Variants in MTA3 observed in about 807,000 individuals in gnomAD.
The protein encoded by MTA3 is metastasis-associated protein MTA3.
Under a neutral mutation model 83.5 loss-of-function variants are expected in MTA3, and 34 were observed. The observed-to-expected ratio is 0.41, with a 90% CI of 0.31 to 0.54. The LOEUF (loss-of-function observed/expected upper bound fraction) is 0.54. Ranked by LOEUF, MTA3 falls within the 20% of genes least tolerant of loss-of-function variation. The pLI, the probability that MTA3 is intolerant of heterozygous loss-of-function variation, is 0.33. For missense variants in MTA3, 761 were observed against 726.4 expected (o/e 1.05, Z -0.55); for synonymous variants, 303 against 252.7 (o/e 1.20, Z -1.89).
chr2:42,681,972 T>C (rs1691969513), intron 8 of MTA3, among the ~76,000 whole-genome samples: 1 of 151,642 alleles, frequency 6.6e-6, no homozygotes. Flanking sequence ...TTTGGGAGGC[T>C]ATAGTGGGAG....
At chr2:42,599,582 T>TC (rs1682293970) in intron 3 of MTA3, among the ~76,000 whole-genome samples, 1 of 151,690 alleles carries the variant, frequency 6.6e-6, no homozygotes, top group Non-Finnish European at 1.5e-5. Context: ...AGTGTGAGAC[T>TC]CCATCTCCAA....
chr2:42,597,262 A>T (rs1026225595), intron 3 of MTA3, among the ~76,000 whole-genome samples: 4 of 151,420 alleles, frequency 2.6e-5, no homozygotes, highest in Non-Finnish European at 4.4e-5. Context: ...ATGGGGTCTC[A>T]CCGTGTTGCC....
chr2:42,561,895 T>C (rs1677692497), intron 2 of MTA3, among the ~76,000 whole-genome samples: 1 of 152,188 alleles, frequency 6.6e-6, no homozygotes, highest in Non-Finnish European at 1.5e-5. Context: ...CTGTAGGAGT[T>C]TCCTAAGGCT....
chr2:42,645,175 CAAAAAAAAAA>C (rs1224226672), intron 6 of MTA3, among the ~76,000 whole-genome samples: 1 of 39,866 alleles, frequency 2.5e-5, no homozygotes, highest in Non-Finnish European at 5.4e-5. Flanking sequence ...GACTCTGTCT[CAAAAAAAAAA>C]AAAAAAAAAA....
intron 6 of MTA3, among the ~76,000 whole-genome samples, chr2:42,651,724 G>T (rs879324365): frequency 4.6e-5 from 7 of 151,754 alleles, no homozygotes; most frequent in African/African-American, 1.2e-4. Flanking sequence ...CATAAGCCCA[G>T]GAGATTGAAG....
chr2:42,551,691 A>T (rs897169938), intron 2 of MTA3, among the ~76,000 whole-genome samples: 2 of 152,084 alleles, frequency 1.3e-5, no homozygotes, highest in Non-Finnish European at 2.9e-5. Context: ...AGTTGAGCAG[A>T]TATTACAATG....
chr2:42,547,323 G>A (rs1676801776), intron 2 of MTA3, among the ~76,000 whole-genome samples: 1 of 152,170 alleles, frequency 6.6e-6, no homozygotes, highest in South Asian at 2.1e-4. Flanking sequence ...TTACAGCTCT[G>A]CGTTTGCCTT....
intron 4 of MTA3, among the ~76,000 whole-genome samples, chr2:42,610,114 A>G (rs562804815): frequency 1.3e-5 from 2 of 152,316 alleles, no homozygotes; most frequent in South Asian, 4.1e-4. Flanking sequence ...AACAAACGAA[A>G]AAAAACAATA....
At chr2:42,583,064 T>C (rs1015615449) in intron 3 of MTA3, among the ~76,000 whole-genome samples, 2 of 152,110 alleles carry the variant, frequency 1.3e-5, no homozygotes, top group Non-Finnish European at 2.9e-5. Context: ...TATAGATATA[T>C]TTTACCACCA....
At chr2:42,645,384 G>A (rs1688084613) in intron 6 of MTA3, among the ~76,000 whole-genome samples, 1 of 152,044 alleles carries the variant, frequency 6.6e-6, no homozygotes, top group Non-Finnish European at 1.5e-5. Context: ...AACTAGCCAA[G>A]TGTGATGGTG....
At chr2:42,676,720 C>A (rs1691388038) in intron 8 of MTA3, among the ~76,000 whole-genome samples, 1 of 152,176 alleles carries the variant, frequency 6.6e-6, no homozygotes, top group East Asian at 1.9e-4. Context: ...GAGCTGAGAT[C>A]ATGCCACTGC....
At chr2:42,668,482 A>G (rs1690499936) in intron 8 of MTA3, among the ~76,000 whole-genome samples, 1 of 152,152 alleles carries the variant, frequency 6.6e-6, no homozygotes, top group South Asian at 2.1e-4. Context: ...CATGACATCA[A>G]CTTGAGGATG....
intron 3 of MTA3, among the ~76,000 whole-genome samples, chr2:42,596,506 A>G (rs909276222): frequency 1.3e-5 from 2 of 152,242 alleles, no homozygotes; most frequent in Admixed American, 1.3e-4. Flanking sequence ...GATTATTATC[A>G]ACTGTAAATA....
Position 42,722,889 on chromosome 2 carries a change from A to G in MTA3, c.1613A>G (p.Glu538Gly), listed in dbSNP as rs1211741305. Residue 538 changes from glutamate to glycine, a missense_variant and splice_region_variant, in exon 16 of 17, where the codon GAG becomes GGG. Coordinates refer to ENST00000405094, the MANE Select transcript of MTA3 (RefSeq NM_001330442.2). ...KPLACIIGYLEIHPAKKPNVI... is the reference protein window; with the variant it reads ...KPLACIIGYLGIHPAKKPNVI... ...TGAGAAACCTTTTTTCCCCCATCAG[A>G]GATCCATCCTGCAAAGAAACCTAAT... The G allele has an allele frequency of 2.3e-5, 35 of 1,550,970 alleles. No homozygotes were observed. The highest frequency in any genetic ancestry group is 3.1e-5 in the Non-Finnish European group (35 of 1,147,090).
chr2:42,629,116 G>A (rs1452515347), intron 4 of MTA3, among the ~76,000 whole-genome samples: 2 of 152,220 alleles, frequency 1.3e-5, no homozygotes, highest in African/African-American at 2.4e-5. Flanking sequence ...GTCTTGCTCT[G>A]TGGCCCACGC....
intron 3 of MTA3, among the ~76,000 whole-genome samples, chr2:42,588,351 C>G (rs761242055): frequency 6.6e-6 from 1 of 152,142 alleles, no homozygotes; most frequent in Admixed American, 6.6e-5. Flanking sequence ...GGACATTCTA[C>G]TAAGTACTGG....
At chr2:42,716,813 G>T (rs1301527387) in intron 14 of MTA3, among the ~76,000 whole-genome samples, 1 of 152,106 alleles carries the variant, frequency 6.6e-6, no homozygotes, top group African/African-American at 2.4e-5. Context: ...GTGTCTTTAT[G>T]ATAGAATGAT....
At chr2:42,622,777 C>A (rs1421428192) in intron 4 of MTA3, among the ~76,000 whole-genome samples, 2 of 151,882 alleles carry the variant, frequency 1.3e-5, no homozygotes, top group Non-Finnish European at 2.9e-5. Flanking sequence ...TAGGTGTGAG[C>A]TACCACACCT....
intron 4 of MTA3, among the ~76,000 whole-genome samples, chr2:42,634,822 T>G (rs983301491): frequency 2.0e-5 from 3 of 152,186 alleles, no homozygotes; most frequent in Non-Finnish European, 4.4e-5. Context: ...AATTTTTCAG[T>G]TTTAGGAATT....
Sources: gnomAD v4.1 joint callset for allele counts (sites outside exome capture counted in the v4.1 genomes callset) on GRCh38, gnomAD v4.1.1 for gene constraint, MANE v1.5 for transcripts, NCBI Gene and HGNC (gene_info 2026-07-23, HGNC 2026-07-21) for gene names.